Variants in ARID2 observed in about 807,000 individuals in gnomAD.
The protein encoded by ARID2 is AT-rich interactive domain-containing protein 2.
ARID2 carries 32 observed loss-of-function variants against 184.6 expected under a neutral mutation model. The observed-to-expected ratio is 0.17, with a 90% confidence interval of 0.13 to 0.23. The LOEUF (loss-of-function observed/expected upper bound fraction) is 0.23. Ranked by LOEUF, ARID2 falls within the 10% of genes least tolerant of loss-of-function variation. ARID2 has a pLI of 1.00. For synonymous variants in ARID2, 836 were observed against 772.6 expected, an observed-to-expected ratio of 1.08 and a Z score of -1.36; for missense variants, 1,696 against 2,197.6, an observed-to-expected ratio of 0.77 and a Z score of 4.56.
At chr12:45,861,006 T>C in intron 16 of ARID2, 57 bp downstream of exon 16, 1 of 1,362,454 alleles carries the variant, frequency 7.3e-7, no homozygotes, top group Non-Finnish European at 9.6e-7. Flanking sequence ...AATGCTTTTA[T>C]ATTTAAGTTT....
rs138340639 is a variant in ARID2, at chr12:45,896,567, A to C, written c.5363+2846A>C. Among the ~76,000 whole-genome samples, 423 of 152,312 alleles carry C rather than the reference A, an allele frequency of 2.8e-3. 3 individuals are homozygous for C. The highest frequency in any genetic ancestry group is 9.3e-3 in the African/African-American group (387 of 41,566). On this transcript the variant is annotated intron_variant, in intron 20 of 20. Transcript: ENST00000334344. Reference sequence around the variant, plus strand: ...TGCCACCATGTGAGACGTACTTTTCACTTTCCACCATAATTGTGAGGCCTC... The same window carrying C: ...TGCCACCATGTGAGACGTACTTTTCCCTTTCCACCATAATTGTGAGGCCTC...
intron 6 of ARID2, among the ~76,000 whole-genome samples, chr12:45,835,612 G>T (rs191790680): frequency 1.3e-5 from 2 of 152,190 alleles, no homozygotes; most frequent in African/African-American, 4.8e-5. Context: ...AGAAATGTCA[G>T]ATTTCCAGGC....
At chr12:45,752,288 A>G (rs1419277217) in intron 3 of ARID2, among the ~76,000 whole-genome samples, 2 of 152,214 alleles carry the variant, frequency 1.3e-5, no homozygotes, top group Admixed American at 6.5e-5. Flanking sequence ...GCTGTCTACC[A>G]TAAGCTAGCT....
At chr12:45,897,620 T>A (rs1417232508) in intron 20 of ARID2, among the ~76,000 whole-genome samples, 1 of 152,114 alleles carries the variant, frequency 6.6e-6, no homozygotes, top group African/African-American at 2.4e-5. Context: ...TATTCACAAA[T>A]GAATTGAAGG....
At chr12:45,794,114 A>T (rs1942344715) in intron 3 of ARID2, among the ~76,000 whole-genome samples, 1 of 152,194 alleles carries the variant, frequency 6.6e-6, no homozygotes, top group South Asian at 2.1e-4. Context: ...TGCAGGTAAT[A>T]TGGAACCCAG....
chr12:45,758,920 G>C (rs77178676), intron 3 of ARID2, among the ~76,000 whole-genome samples: 46 of 152,214 alleles, frequency 3.0e-4, no homozygotes, highest in Non-Finnish European at 5.7e-4. Flanking sequence ...AATAAAAATT[G>C]ATCATGTAGT....
chr12:45,804,363 T>C (rs182768948), intron 3 of ARID2, among the ~76,000 whole-genome samples: 1 of 152,108 alleles, frequency 6.6e-6, no homozygotes, highest in South Asian at 2.1e-4. Flanking sequence ...TACAGATGAG[T>C]TTAATTGTTA....
In ARID2 at chr12:45,819,995, C is replaced by T. The variant is rs563800000; in HGVS notation, c.638-1425C>T. ...CTGTCCTCAAGTGATCTGCCCGCCT[C>T]GGCCTCCCAGAGTGCTGGGATTACA... is the stretch of plus-strand genomic sequence containing the variant. On this transcript the variant is annotated intron_variant, in intron 5 of 20. Transcript: ENST00000334344. Among the ~76,000 whole-genome samples the T allele has an allele frequency of 1.1e-4, 16 of 152,174 alleles. No homozygotes were observed. The South Asian group carries it at 2.5e-3, about 24-fold the overall frequency.
At chr12:45,736,502 G>T (rs1377786741) in intron 3 of ARID2, among the ~76,000 whole-genome samples, 3 of 152,126 alleles carry the variant, frequency 2.0e-5, no homozygotes, top group African/African-American at 7.2e-5. Flanking sequence ...TTTAGGTAAA[G>T]TATTTAAAAG....
intron 3 of ARID2, among the ~76,000 whole-genome samples, chr12:45,810,640 C>T (rs985888672): frequency 2.6e-5 from 4 of 152,000 alleles, no homozygotes; most frequent in Admixed American, 2.6e-4. Context: ...TATATTTAGA[C>T]CTCTAAAATA....
At chr12:45,776,821 C>A (rs1392521105) in intron 3 of ARID2, among the ~76,000 whole-genome samples, 1 of 136,382 alleles carries the variant, frequency 7.3e-6, no homozygotes, top group African/African-American at 2.8e-5. Flanking sequence ...CTTGCGGGGT[C>A]GTCCAGGCTA....
chr12:45,837,084 A>G (rs1423328467), intron 8 of ARID2, 93 bp downstream of exon 8: 48 of 1,461,860 alleles, frequency 3.3e-5, no homozygotes, highest in Non-Finnish European at 4.2e-5. Context: ...TGCCATATTT[A>G]TAGACTATTA....
chr12:45,823,491 G>T (rs1252874930), intron 6 of ARID2, among the ~76,000 whole-genome samples: 1 of 151,782 alleles, frequency 6.6e-6, no homozygotes, highest in Non-Finnish European at 1.5e-5. Flanking sequence ...AAAGACAAAG[G>T]ATCAACAAAA....
intron 3 of ARID2, among the ~76,000 whole-genome samples, chr12:45,746,485 G>A (rs1941357226): frequency 6.8e-6 from 1 of 146,872 alleles, no homozygotes; most frequent in African/African-American, 2.8e-5. Flanking sequence ...TGTAACATAT[G>A]CTAAAGTTTT....
chr12:45,771,771 T>C (rs2138025202), intron 3 of ARID2, among the ~76,000 whole-genome samples: 1 of 152,022 alleles, frequency 6.6e-6, no homozygotes. Context: ...TGAGGAAAAT[T>C]TGTTGGCACA....
chr12:45,785,117 A>C (rs898419474), intron 3 of ARID2, among the ~76,000 whole-genome samples: 2 of 152,222 alleles, frequency 1.3e-5, no homozygotes, highest in South Asian at 2.1e-4. Flanking sequence ...CTCTCTTCTT[A>C]TTTTCTTATA....
chr12:45,843,864 C>T (rs1565618837), intron 11 of ARID2, among the ~76,000 whole-genome samples: 1 of 152,112 alleles, frequency 6.6e-6, no homozygotes, highest in East Asian at 1.9e-4. Flanking sequence ...CTTAATCAGG[C>T]TCTTTTTGTT....
intron 16 of ARID2, among the ~76,000 whole-genome samples, chr12:45,889,379 TG>T (rs1324808587): frequency 2.0e-5 from 3 of 152,212 alleles, no homozygotes; most frequent in African/African-American, 7.2e-5. Flanking sequence ...TTTATTATTT[TG>T]TATACTCTTG....
intron 3 of ARID2, among the ~76,000 whole-genome samples, chr12:45,764,926 T>A (rs889704274): frequency 6.6e-6 from 1 of 152,230 alleles, no homozygotes; most frequent in African/African-American, 2.4e-5. Context: ...ACTGCTAAAC[T>A]GTTTTTGAGA....
Sources: allele counts gnomAD v4.1 joint callset (sites outside exome capture counted in the v4.1 genomes callset), GRCh38; gene constraint gnomAD v4.1.1; transcripts MANE v1.5; gene names NCBI Gene and HGNC (gene_info 2026-07-23, HGNC 2026-07-21).